The following NRXN3 variants were observed in gnomAD, a reference collection of about 807,000 sequenced individuals.
NRXN3 encodes neurexin 3.
In NRXN3, 32 loss-of-function variants were observed where a neutral mutation model predicts 137.6. The ratio of observed to expected loss-of-function variants is 0.23; its 90% confidence interval spans 0.18 to 0.31. The LOEUF is 0.31. NRXN3 is among the 10% of genes least tolerant of loss of function. The pLI, the probability that NRXN3 is intolerant of heterozygous loss-of-function variation, is 1.00. For missense variants in NRXN3, 1,574 were observed against 2,062.5 expected (o/e 0.76, Z 4.59); for synonymous variants, 798 against 784.5 (o/e 1.02, Z -0.29).
intron 15 of NRXN3, among the ~76,000 whole-genome samples, chr14:79,208,315 T>C (rs2067103132): frequency 6.6e-6 from 1 of 152,190 alleles, no homozygotes; most frequent in South Asian, 2.1e-4. Flanking sequence ...CGAGGTAGGA[T>C]TAAAGAAGTG....
At chr14:78,188,623 T>C (rs554460789) in intron 1 of NRXN3, among the ~76,000 whole-genome samples, 9 of 152,300 alleles carry the variant, frequency 5.9e-5, no homozygotes, top group Admixed American at 5.9e-4. Context: ...GTTCATTGAG[T>C]TCTTGGCAGT....
At chr14:79,651,072 G>T (rs935854494) in intron 16 of NRXN3, among the ~76,000 whole-genome samples, 1 of 152,208 alleles carries the variant, frequency 6.6e-6, no homozygotes, top group African/African-American at 2.4e-5. Flanking sequence ...CAATTAACTG[G>T]TAATAGGATG....
rs76737582 is a variant in NRXN3 at position 79,423,871 on chromosome 14, G to A, written c.3263-43350G>A. Among the ~76,000 whole-genome samples, 1,060 of 152,334 alleles carry A rather than the reference G, an allele frequency of 7.0e-3. 10 individuals are homozygous for A. The highest frequency in any genetic ancestry group is 0.024 in the African/African-American group (1,017 of 41,582). ...TGGCTCTGAAATATTCTTTTTCAGT[G>A]TAGTTAAATATAAAGTTGAAATGAT... On this transcript the variant is annotated intron_variant, in intron 15 of 20. Transcript: ENST00000335750.
chr14:79,666,442 C>G (rs759878234), intron 17 of NRXN3, among the ~76,000 whole-genome samples: 4 of 152,022 alleles, frequency 2.6e-5, no homozygotes, highest in Non-Finnish European at 5.9e-5. Context: ...TTTTTGAGTA[C>G]AGATTTCTTC....
chr14:78,818,221 A>G (rs185934911), intron 10 of NRXN3, among the ~76,000 whole-genome samples: 32 of 152,150 alleles, frequency 2.1e-4, no homozygotes, highest in Admixed American at 1.1e-3. Context: ...AGAGAGAGAA[A>G]TATCTAATGC....
At chr14:79,608,138 T>C (rs1352992272) in intron 16 of NRXN3, among the ~76,000 whole-genome samples, 1 of 152,224 alleles carries the variant, frequency 6.6e-6, no homozygotes, top group African/African-American at 2.4e-5. Flanking sequence ...TGCCTGTGTT[T>C]TATCTTGACC....
At chr14:78,234,689 A>T (rs1365968348) in intron 1 of NRXN3, among the ~76,000 whole-genome samples, 2 of 152,058 alleles carry the variant, frequency 1.3e-5, no homozygotes, top group Non-Finnish European at 2.9e-5. Flanking sequence ...ACCTCCTTAT[A>T]TTATTTAGGC....
chr14:78,226,063 G>A (rs539955080), intron 1 of NRXN3, among the ~76,000 whole-genome samples: 63 of 151,352 alleles, frequency 4.2e-4, no homozygotes, highest in Admixed American at 1.4e-3. Context: ...GAATGCAGTG[G>A]CCTGATCTCC....
chr14:78,268,285 G>GT (rs67231903), intron 2 of NRXN3, among the ~76,000 whole-genome samples: 12,098 of 150,362 alleles, frequency 0.08, 1,246 homozygotes, highest in African/African-American at 0.25. Flanking sequence ...GTTTTGTTTT[G>GT]TTTTGTTTTC....
At chr14:78,746,150 A>G (rs553500518) in intron 8 of NRXN3, among the ~76,000 whole-genome samples, 52 of 152,354 alleles carry the variant, frequency 3.4e-4, no homozygotes, top group South Asian at 6.2e-4. Flanking sequence ...ATGGCTTGCT[A>G]GAGAAAATGA....
In NRXN3 at chr14:79,709,315, C is replaced by T. The variant is rs1205299814; in HGVS notation, c.4014+11378C>T. 2.0e-5 allele frequency among the ~76,000 whole-genome samples: 3 copies of T among 152,160 alleles called. No homozygotes were observed. In the East Asian group the frequency reaches 5.8e-4, roughly 29 times the overall value. On this transcript the variant is annotated intron_variant, in intron 19 of 20. Transcript: ENST00000335750. ...AAACTTAGCTCAGTTCTCTTCAAGA[C>T]AGGAAATTTTGTTAACCCAAAGTAT... is the stretch of plus-strand genomic sequence containing the variant.
chr14:78,520,435 C>A (rs530404726), intron 4 of NRXN3, among the ~76,000 whole-genome samples: 6 of 151,984 alleles, frequency 3.9e-5, no homozygotes, highest in Non-Finnish European at 8.8e-5. Context: ...ATACTTATTA[C>A]GTATTTATTG....
intron 3 of NRXN3, among the ~76,000 whole-genome samples, chr14:78,295,843 A>G (rs771148864): frequency 5.3e-5 from 8 of 152,148 alleles, no homozygotes; most frequent in Non-Finnish European, 1.2e-4. Context: ...TCTTACTACC[A>G]AATGTCCTGT....
At chr14:78,778,770 T>TTCCTTC (rs2098756279) in intron 8 of NRXN3, among the ~76,000 whole-genome samples, 1 of 67,294 alleles carries the variant, frequency 1.5e-5, no homozygotes, top group Non-Finnish European at 2.9e-5. Context: ...CTTTCTTTCT[T>TTCCTTC]TCTTTCTTTC....
At chr14:78,934,239 A>G (rs1410164243) in intron 10 of NRXN3, among the ~76,000 whole-genome samples, 1 of 151,822 alleles carries the variant, frequency 6.6e-6, no homozygotes. Context: ...TAAATGTATC[A>G]TCTCTCAGCA....
chr14:79,795,045 A>G (rs2099157006), intron 19 of NRXN3, among the ~76,000 whole-genome samples: 1 of 152,162 alleles, frequency 6.6e-6, no homozygotes, highest in South Asian at 2.1e-4. Flanking sequence ...CCTGTGGATG[A>G]CCTCATGGAT....
At chr14:78,582,969 C>A (rs1203134682) in intron 4 of NRXN3, among the ~76,000 whole-genome samples, 9 of 152,004 alleles carry the variant, frequency 5.9e-5, no homozygotes, top group Non-Finnish European at 1.2e-4. Flanking sequence ...TGTGTTTCAC[C>A]CCTTTTTGCC....
chr14:78,875,825 A>G (rs1229272722), intron 10 of NRXN3, among the ~76,000 whole-genome samples: 3 of 152,228 alleles, frequency 2.0e-5, no homozygotes, highest in Non-Finnish European at 2.9e-5. Context: ...AGAAAGAATG[A>G]GTGAATGAGC....
chr14:79,509,024 G>A (rs1000273142), intron 16 of NRXN3, among the ~76,000 whole-genome samples: 11 of 151,798 alleles, frequency 7.2e-5, no homozygotes, highest in East Asian at 2.0e-4. Flanking sequence ...GTGAAACCCC[G>A]TCTCTACTAA....
Sources: gnomAD v4.1 joint callset for allele counts (sites outside exome capture counted in the v4.1 genomes callset) on GRCh38, gnomAD v4.1.1 for gene constraint, MANE v1.5 for transcripts, NCBI Gene and HGNC (gene_info 2026-07-23, HGNC 2026-07-21) for gene names.